Variants in RBCK1 observed in about 807,000 individuals in gnomAD.
The protein encoded by RBCK1 is ranBP-type and C3HC4-type zinc finger-containing protein 1.
RBCK1 carries 44 observed loss-of-function variants against 71.1 expected under a neutral mutation model. The ratio of observed to expected loss-of-function variants is 0.62; its 90% CI spans 0.49 to 0.80. The LOEUF (loss-of-function observed/expected upper bound fraction) is 0.80, where lower values mean the gene tolerates loss of function less well. Among genes scored for constraint, RBCK1 ranks in the 30% least tolerant of loss-of-function variants. The pLI, the probability that RBCK1 is intolerant of heterozygous loss-of-function variation, is 0.00. For synonymous variants in RBCK1, 306 were observed against 279.7 expected, an observed-to-expected ratio of 1.09 and a Z score of -0.94; for missense variants, 569 against 685.0, an observed-to-expected ratio of 0.83 and a Z score of 1.89.
intron 11 of RBCK1, among the ~76,000 whole-genome samples, chr20:429,546 A>C (rs2016915315): frequency 6.6e-6 from 1 of 152,194 alleles, no homozygotes; most frequent in Non-Finnish European, 1.5e-5. Context: ...ACATCTTTAA[A>C]TGGTTGAAAA....
chr20:422,141 G>A lies in RBCK1; in HGVS notation c.932G>A (p.Gly311Asp). 6.2e-7 allele frequency: 1 copy of A among 1,612,108 alleles called. No individual in the cohort carries two copies. The highest frequency in any genetic ancestry group is 8.5e-7 in the Non-Finnish European group (1 of 1,179,766). Residue 311 changes from glycine (G) to aspartate (D), a missense_variant, in exon 8 of 12, where the codon GGC (glycine) becomes GAC (aspartate). By Grantham distance (94) the Gly-to-Asp change is moderately conservative. Around this residue, in one of 2 missense-constraint regions of RBCK1, gnomAD observed 211 missense variants for 309.4 expected, o/e 0.68. Coordinates refer to ENST00000356286, the MANE Select transcript of RBCK1 (RefSeq NM_031229.4). The surrounding 1 kb of genome is among the most constrained non-coding windows in gnomAD (Gnocchi z 5.0). ...CCCTCCCCTAGGGAGTGCCTGCAGGGCACCATCCGCAACAGCCAGGAGGCG... is the reference window on the plus strand; with the variant it reads ...CCCTCCCCTAGGGAGTGCCTGCAGGACACCATCCGCAACAGCCAGGAGGCG... The part of the protein sequence containing the change: ...LHTFCRECLQ[G>D]TIRNSQEAEV...
In RBCK1 at chr20:420,913, C is replaced by G; in HGVS notation, c.799C>G (p.Gln267Glu). ...GGAGGGGAACTACCTGCAGCACGTC[C>G]AGCTGGACCAGAGGAGCCTGGTGCT... ...QQEGNYLQHVQLDQRSLVLNT... is the reference protein window; with the variant it reads ...QQEGNYLQHVELDQRSLVLNT... Residue 267 changes from glutamine (Q) to glutamate (E), a missense_variant, in exon 7 of 12, where the codon CAG (glutamine) becomes GAG (glutamate). Transcript: ENST00000356286. 1 of 1,554,904 alleles carries G rather than the reference C, an allele frequency of 6.4e-7. No individual in the cohort carries two copies. The highest frequency in any genetic ancestry group is 1.2e-5 in the South Asian group (1 of 84,500).
At chr20:419,824 C>A in intron 6 of RBCK1, 93 bp downstream of exon 6, 1 of 1,459,788 alleles carries the variant, frequency 6.9e-7, no homozygotes, top group South Asian at 1.4e-5. Context: ...CGCGCCTCTC[C>A]GTTACTGCCT....
intron 2 of RBCK1, among the ~76,000 whole-genome samples, chr20:412,226 C>T (rs916458109): frequency 6.6e-6 from 1 of 152,162 alleles, no homozygotes; most frequent in Non-Finnish European, 1.5e-5. Context: ...AATTTCCTAA[C>T]CATTTGATGA....
rs1306936991 is a variant in RBCK1, at chr20:422,469, AAAG to A, written c.1029+234_1029+236del. Among the ~76,000 whole-genome samples, 1 of 151,814 alleles carries A rather than the reference AAAG, an allele frequency of 6.6e-6. No individual in the cohort carries two copies. Among genetic ancestry groups the A allele is most frequent in the Non-Finnish European group, 1.5e-5 (1 of 67,998 alleles). On this transcript the variant is annotated intron_variant, in intron 8 of 11. Coordinates refer to ENST00000356286, the MANE Select transcript of RBCK1 (RefSeq NM_031229.4). This position sits in a 1 kb window ranked among gnomAD's most constrained non-coding sequence, Gnocchi z 5.0. ...TGGGGTGTTGAGACCCCAAGCAGAA[AAAG>A]AATTGAGGGGAGTAGCTAGTCAAGA...
chr20:414,672 T>A (rs2015890390), intron 2 of RBCK1, among the ~76,000 whole-genome samples: 1 of 152,316 alleles, frequency 6.6e-6, no homozygotes, highest in East Asian at 1.9e-4. Flanking sequence ...ATTCTAAAAG[T>A]GTAACACTAC....
At chr20:410,161 T>C (rs1448523187) in intron 2 of RBCK1, 136 bp downstream of exon 2, 1 of 1,002,866 alleles carries the variant, frequency 1.0e-6, no homozygotes, top group Non-Finnish European at 1.4e-6. Flanking sequence ...ATTAATCAAC[T>C]GTGAAATACA....
rs1440300058 is a variant in RBCK1, at chr20:409,958, C to T, written c.100C>T (p.Leu34=). 3 of 1,614,118 alleles carry T rather than the reference C, an allele frequency of 1.9e-6. No individual in the cohort carries two copies. Among genetic ancestry groups the T allele is most frequent in the Non-Finnish European group, 2.5e-6 (3 of 1,180,016 alleles). Residue 34 remains leucine, a synonymous_variant, in exon 2 of 12, where the codon CTG becomes TTG. Transcript: ENST00000356286. ...EQVAMKCAIW[L]AEQRVPLSVQ... is the part of the protein sequence containing the mutation. The stretch of plus-strand genomic sequence containing the variant: ...GGTGGCAATGAAGTGTGCCATCTGG[C>T]TGGCAGAGCAACGGGTGCCCCTGAG...
chr20:425,509 T>C (rs2016661397), intron 8 of RBCK1, among the ~76,000 whole-genome samples: 1 of 152,252 alleles, frequency 6.6e-6, no homozygotes, highest in Non-Finnish European at 1.5e-5. Flanking sequence ...GTTATTTTGC[T>C]ATAGAATTTT....
rs765903793 is a variant in RBCK1, at chr20:430,316, G to A, written c.1453-34G>A. On this transcript the variant is annotated intron_variant, in intron 11 of 11. Coordinates refer to ENST00000356286, the MANE Select transcript of RBCK1 (RefSeq NM_031229.4). The surrounding 1 kb of genome is among the most constrained non-coding windows in gnomAD (Gnocchi z 5.6). ...GCTGTGGGGGCAGTCTCTGCACTGCGCTGACATTCTCTTCTCTTCCTCCCA... is the reference window on the plus strand; with the variant it reads ...GCTGTGGGGGCAGTCTCTGCACTGCACTGACATTCTCTTCTCTTCCTCCCA... The A allele has an allele frequency of 2.0e-5, 31 of 1,555,734 alleles. No homozygotes were observed. The highest frequency in any genetic ancestry group is 1.7e-4 in the Middle Eastern group (1 of 5,976).
chr20:429,183 T>C (rs1011894507), intron 11 of RBCK1, 89 bp downstream of exon 11: 13 of 1,479,720 alleles, frequency 8.8e-6, no homozygotes, highest in Non-Finnish European at 1.2e-5. Flanking sequence ...CCATGGGCCA[T>C]ATCCAACCCA....
chr20:410,363 C>T (rs933683225), intron 2 of RBCK1: 5 of 772,250 alleles, frequency 6.5e-6, no homozygotes, highest in Non-Finnish European at 1.2e-5. Context: ...TCCCGACAGT[C>T]CTCAGAGGCT....
Position 429,702 on chromosome 20 carries a change from G to A in RBCK1, c.1452+608G>A, listed in dbSNP as rs2016922164. On this transcript the variant is annotated intron_variant, in intron 11 of 11. Transcript: ENST00000356286. ...CTTTTACACTACAGAGGCAGAGGCCGTATGGCTGCCCGGCCCAAAATGACT... is the reference window on the plus strand; with the variant it reads ...CTTTTACACTACAGAGGCAGAGGCCATATGGCTGCCCGGCCCAAAATGACT... Among the ~76,000 whole-genome samples the A allele has an allele frequency of 3.9e-5, 6 of 152,202 alleles. No homozygotes were observed. The South Asian group carries it at 8.3e-4, about 21-fold the overall frequency.
intron 8 of RBCK1, among the ~76,000 whole-genome samples, chr20:425,245 A>G (rs1423436752): frequency 6.6e-6 from 1 of 152,166 alleles, no homozygotes; most frequent in East Asian, 1.9e-4. Context: ...TCCTGACCTC[A>G]GGTGATCCAC....
chr20:412,071 G>A (rs2015741862), intron 2 of RBCK1, among the ~76,000 whole-genome samples: 1 of 152,232 alleles, frequency 6.6e-6, no homozygotes, highest in South Asian at 2.1e-4. Context: ...GTTTTCCAAA[G>A]TGGCTGCACC....
Position 428,821 on chromosome 20 carries a change from G to C in RBCK1, c.1309-130G>C. ...AAGAGGGGGTTGCTGGATGGAGCCTGGCCTGGCAGAGCCACACAGGAGAGA... is the reference window on the plus strand; with the variant it reads ...AAGAGGGGGTTGCTGGATGGAGCCTCGCCTGGCAGAGCCACACAGGAGAGA... On this transcript the variant is annotated intron_variant, in intron 10 of 11. Transcript: ENST00000356286. This position sits in a 1 kb window ranked among gnomAD's most constrained non-coding sequence, Gnocchi z 5.7. 7.0e-7 allele frequency: 1 copy of C among 1,437,312 alleles called. No homozygotes were observed. 89.0% of individuals were successfully genotyped at this position (1,437,312 alleles called of 1,614,324 possible).
In RBCK1 at chr20:408,641, G is replaced by A. The variant is rs997397571; in HGVS notation, c.-117G>A. On this transcript the variant is annotated 5_prime_UTR_variant, in exon 1 of 12. Coordinates refer to ENST00000356286, the MANE Select transcript of RBCK1 (RefSeq NM_031229.4). ...GCACACACAGGGCTTGGGCCGCGCC[G>A]GAGGCCACACGGCCTGGCTGAGTTG... The A allele has an allele frequency of 2.2e-6, 3 of 1,380,542 alleles. No individual in the cohort carries two copies. Among genetic ancestry groups the A allele is most frequent in the East Asian group, 2.4e-5 (1 of 40,876 alleles). 85.5% of individuals were successfully genotyped at this position (1,380,542 alleles called of 1,614,324 possible). A position where few individuals can be genotyped will look rare whatever the true frequency, so the allele number is the denominator to read the frequency against.
chr20:418,215 A>G (rs761306350), intron 4 of RBCK1, among the ~76,000 whole-genome samples: 14 of 152,246 alleles, frequency 9.2e-5, no homozygotes, highest in Non-Finnish European at 2.1e-4. Context: ...GTTTGCTAAA[A>G]TCATAAATTG....
At chr20:409,607 C>G (rs8123007) in intron 1 of RBCK1, among the ~76,000 whole-genome samples, 5,713 of 152,076 alleles carry the variant, frequency 0.038, 275 homozygotes, top group African/African-American at 0.11. Context: ...AGCTCAATAA[C>G]TGCTTGTTGG....
Sources: allele counts gnomAD v4.1 joint callset (sites outside exome capture counted in the v4.1 genomes callset), GRCh38; gene constraint gnomAD v4.1.1; regional missense constraint gnomAD v4.1.1; non-coding constraint Gnocchi (gnomAD v3.1); transcripts MANE v1.5; gene names NCBI Gene and HGNC (gene_info 2026-07-23, HGNC 2026-07-21).